DAB1: variants seen among roughly 807,000 people sequenced by gnomAD.
DAB1 encodes the protein DAB adaptor protein 1.
A neutral mutation model predicts 64.6 loss-of-function variants in DAB1; 15 were observed. That is an observed-to-expected ratio of 0.23 (90% CI 0.16 to 0.36). DAB1 has a LOEUF of 0.36. DAB1 is among the 10% of genes least tolerant of loss of function. The pLI is 1.00. For missense variants in DAB1, 596 were observed against 706.7 expected, an observed-to-expected ratio of 0.84 and a Z score of 1.78; for synonymous variants, 235 against 251.9, an observed-to-expected ratio of 0.93 and a Z score of 0.64.
intron 1 of DAB1, among the ~76,000 whole-genome samples, chr1:57,851,131 A>G (rs147760753): frequency 3.3e-5 from 5 of 152,366 alleles, no homozygotes; most frequent in African/African-American, 4.8e-5. Flanking sequence ...GCTGAATGCT[A>G]GCATCTACCA....
intron 2 of DAB1, among the ~76,000 whole-genome samples, chr1:57,282,617 C>A (rs1054523246): frequency 6.6e-6 from 1 of 152,010 alleles, no homozygotes; most frequent in Non-Finnish European, 1.5e-5. Context: ...AATTCATGAC[C>A]GTGTGACCAC....
intron 1 of DAB1, among the ~76,000 whole-genome samples, chr1:57,840,857 A>T (rs1382388604): frequency 6.6e-6 from 1 of 152,220 alleles, no homozygotes; most frequent in African/African-American, 2.4e-5. Flanking sequence ...ACCAAACCAT[A>T]TCATTCCACC....
At position 57,011,264 on chromosome 1, in the gene DAB1, G is replaced by A. The variant is rs776957089; in HGVS notation, c.1453C>T (p.Pro485Ser). 6.2e-7 allele frequency: 1 copy of A among 1,613,846 alleles called. No individual in the cohort carries two copies. The highest frequency in any genetic ancestry group is 8.5e-7 in the Non-Finnish European group (1 of 1,179,840). Residue 485 changes from proline (P) to serine (S), a missense_variant, in exon 13 of 15, where the codon CCA (proline) becomes TCA (serine). Physicochemically the swap from Pro to Ser is moderately conservative, Grantham distance 74. Transcript: ENST00000371236. ...GATGGAGAGCTCTGTCTAGGGGCTGGGGTTGGAGCTACACAGAGACCACAG... is the reference window on the plus strand; with the variant it reads ...GATGGAGAGCTCTGTCTAGGGGCTGAGGTTGGAGCTACACAGAGACCACAG... Reference protein sequence around the residue: ...TTPSTNSPPTPAPRQSSPSKS... With the variant: ...TTPSTNSPPTSAPRQSSPSKS...
chr1:58,311,199 GT>G (rs1417638531), intron 4 of DAB1, among the ~76,000 whole-genome samples: 1 of 152,094 alleles, frequency 6.6e-6, no homozygotes. Context: ...CCTCTTAGTA[GT>G]TTTCCAACCA....
At chr1:57,877,010 G>A (rs2101964862) in intron 1 of DAB1, among the ~76,000 whole-genome samples, 1 of 152,246 alleles carries the variant, frequency 6.6e-6, no homozygotes, top group East Asian at 1.9e-4. Flanking sequence ...AACTTGGTGG[G>A]AAGGGTCTAG....
At chr1:58,217,884 A>G (rs1482946109) in intron 4 of DAB1, among the ~76,000 whole-genome samples, 1 of 152,182 alleles carries the variant, frequency 6.6e-6, no homozygotes, top group Non-Finnish European at 1.5e-5. Flanking sequence ...GAATGAATGA[A>G]TCAATCAATC....
chr1:58,069,962 G>A (rs112757261), intron 5 of DAB1, among the ~76,000 whole-genome samples: 118 of 152,296 alleles, frequency 7.7e-4, no homozygotes, highest in African/African-American at 2.8e-3. Flanking sequence ...CACAGAGTCA[G>A]TGCCCCAGGC....
chr1:57,796,373 A>C (rs577367448), intron 6 of DAB1, among the ~76,000 whole-genome samples: 22 of 152,036 alleles, frequency 1.4e-4, no homozygotes, highest in Non-Finnish European at 2.6e-4. Flanking sequence ...TAAAAATACA[A>C]AAAATTAGCC....
intron 6 of DAB1, among the ~76,000 whole-genome samples, chr1:57,653,258 T>C (rs1646277056): frequency 6.6e-6 from 1 of 152,234 alleles, no homozygotes; most frequent in African/African-American, 2.4e-5. Flanking sequence ...TACATATTTT[T>C]CTGTTCTAAT....
At chr1:57,586,751 C>T (rs1645385641) in intron 7 of DAB1, among the ~76,000 whole-genome samples, 1 of 150,906 alleles carries the variant, frequency 6.6e-6, no homozygotes, top group Admixed American at 6.6e-5. Flanking sequence ...TCCTGTTCCT[C>T]TCTTCCCTTG....
chr1:57,492,083 A>C (rs1644172497), intron 7 of DAB1, among the ~76,000 whole-genome samples: 1 of 152,244 alleles, frequency 6.6e-6, no homozygotes, highest in Admixed American at 6.5e-5. Flanking sequence ...GGAAAGCCTT[A>C]GTTGTCAAAC....
At chr1:58,482,847 G>A (rs1377649404) in intron 3 of DAB1, among the ~76,000 whole-genome samples, 4 of 152,100 alleles carry the variant, frequency 2.6e-5, no homozygotes, top group Non-Finnish European at 5.9e-5. Flanking sequence ...GCAGGGTGGA[G>A]GGCAGGAGCA....
intron 4 of DAB1, among the ~76,000 whole-genome samples, chr1:58,255,937 C>T (rs928027897): frequency 5.9e-5 from 9 of 152,180 alleles, no homozygotes; most frequent in African/African-American, 2.2e-4. Context: ...ACTAATGTGC[C>T]TAAGCTCCCC....
At chr1:57,955,235 G>A (rs572541797) in intron 5 of DAB1, among the ~76,000 whole-genome samples, 2 of 152,184 alleles carry the variant, frequency 1.3e-5, no homozygotes, top group African/African-American at 2.4e-5. Context: ...GCTCATGGCA[G>A]GTCTCCTCCC....
At chr1:58,203,162 G>T (rs1435582647) in intron 4 of DAB1, among the ~76,000 whole-genome samples, 1 of 152,318 alleles carries the variant, frequency 6.6e-6, no homozygotes. Context: ...CCCAGTGGAT[G>T]CTTTGGTAAA....
At chr1:58,228,587 C>A (rs766817793) in intron 4 of DAB1, 2 of 498,970 alleles carry the variant, frequency 4.0e-6, no homozygotes, top group Non-Finnish European at 7.3e-6. Flanking sequence ...GGAAGCCCTG[C>A]ATCTAGGGCT....
At chr1:58,373,330 T>TGC (rs1282217782) in intron 3 of DAB1, among the ~76,000 whole-genome samples, 3 of 72,716 alleles carry the variant, frequency 4.1e-5, no homozygotes, top group East Asian at 4.8e-4. Context: ...CACTCCCCCC[T>TGC]CCCCACCACA....
chr1:58,062,805 C>A (rs921899524), intron 5 of DAB1, among the ~76,000 whole-genome samples: 6 of 152,164 alleles, frequency 3.9e-5, no homozygotes, highest in African/African-American at 1.4e-4. Flanking sequence ...CACACAGATG[C>A]GTCTGAAGGA....
At chr1:57,485,768 T>C (rs962297389) in intron 7 of DAB1, among the ~76,000 whole-genome samples, 7 of 152,220 alleles carry the variant, frequency 4.6e-5, no homozygotes, top group African/African-American at 7.2e-5. Context: ...AGCACTGGTG[T>C]AGAGCATGCA....
Sources: allele counts gnomAD v4.1 joint callset (sites outside exome capture counted in the v4.1 genomes callset), GRCh38; gene constraint gnomAD v4.1.1; transcripts MANE v1.5; gene names NCBI Gene and HGNC (gene_info 2026-07-23, HGNC 2026-07-21).